DPP6: variants seen among roughly 807,000 people sequenced by gnomAD.
DPP6 encodes the protein dipeptidyl peptidase like 6, also known as A-type potassium channel modulatory protein DPP6.
DPP6 carries 69 observed loss-of-function variants against 122.6 expected under a neutral mutation model. The observed-to-expected ratio is 0.56, with a 90% CI of 0.46 to 0.69. DPP6 has a LOEUF of 0.69. Among genes scored for constraint, DPP6 ranks in the 30% least tolerant of loss-of-function variants. The pLI is 0.00. For synonymous variants in DPP6, 418 were observed against 433.1 expected (o/e 0.97, Z 0.43); for missense variants, 928 against 1,116.9 (o/e 0.83, Z 2.41).
chr7:154,586,043 G>A (rs1201291828), intron 5 of DPP6, among the ~76,000 whole-genome samples: 1 of 152,098 alleles, frequency 6.6e-6, no homozygotes, highest in Non-Finnish European at 1.5e-5. Context: ...AGGGATGATA[G>A]ATGGTCCACC....
chr7:153,848,977 G>A, the DPP6 span, among the ~76,000 whole-genome samples: 11 of 151,796 alleles, frequency 7.2e-5, no homozygotes, highest in Non-Finnish European at 1.3e-4. Context: ...TACATAAAAG[G>A]GTTTTTTAAC....
intron 1 of DPP6, among the ~76,000 whole-genome samples, chr7:154,278,061 A>G (rs1804255059): frequency 6.6e-6 from 1 of 152,190 alleles, no homozygotes; most frequent in African/African-American, 2.4e-5. Flanking sequence ...ACTGCAAAAT[A>G]AAAAGCCAGG....
chr7:153,883,588 C>A (rs766883336), upstream of DPP6, among the ~76,000 whole-genome samples: 6 of 152,164 alleles, frequency 3.9e-5, no homozygotes, highest in Non-Finnish European at 7.3e-5. Flanking sequence ...CCATGTTGGC[C>A]AGGCTGGTCT....
chr7:154,810,363 A>G (rs1414920878), intron 16 of DPP6, among the ~76,000 whole-genome samples: 1 of 152,216 alleles, frequency 6.6e-6, no homozygotes, highest in Non-Finnish European at 1.5e-5. Flanking sequence ...TCCAGTTCCC[A>G]CATGGTGGAT....
At chr7:154,286,450 G>T (rs181037958) in intron 1 of DPP6, among the ~76,000 whole-genome samples, 2 of 152,190 alleles carry the variant, frequency 1.3e-5, no homozygotes, top group Admixed American at 6.5e-5. Flanking sequence ...AGCTTGCTTA[G>T]GTAGGCAAGC....
At chr7:154,248,313 G>A (rs6968732) in intron 1 of DPP6, among the ~76,000 whole-genome samples, 114,634 of 152,070 alleles carry the variant, frequency 0.75, 44,419 homozygotes, top group African/African-American at 0.94. Flanking sequence ...ACATGTCACA[G>A]CAGGGATGAG....
chr7:154,586,920 C>T (rs1832492839), intron 5 of DPP6, among the ~76,000 whole-genome samples: 2 of 152,222 alleles, frequency 1.3e-5, no homozygotes, highest in Admixed American at 1.3e-4. Flanking sequence ...GGAACTGCTC[C>T]TTACTTCTCT....
At chr7:154,056,962 A>G (rs1001246318) in intron 1 of DPP6, among the ~76,000 whole-genome samples, 1 of 152,184 alleles carries the variant, frequency 6.6e-6, no homozygotes, top group African/African-American at 2.4e-5. Context: ...TGTCTATTTG[A>G]TCCCATTACT....
upstream of DPP6, among the ~76,000 whole-genome samples, chr7:154,047,588 G>A (rs923689110): frequency 1.3e-5 from 2 of 150,396 alleles, no homozygotes; most frequent in African/African-American, 2.5e-5. Context: ...CTGTGGAAAC[G>A]ATCATTGTGT....
chr7:153,881,228 G>A, the DPP6 span, among the ~76,000 whole-genome samples: 1 of 152,208 alleles, frequency 6.6e-6, no homozygotes, highest in Non-Finnish European at 1.5e-5. Context: ...AAGTTGGGAT[G>A]CAAAGGCAGC....
chr7:154,435,988 A>G (rs1818828439), intron 1 of DPP6, among the ~76,000 whole-genome samples: 1 of 152,090 alleles, frequency 6.6e-6, no homozygotes, highest in African/African-American at 2.4e-5. Context: ...CATTGGCCTG[A>G]TATTTGACAT....
intron 1 of DPP6, among the ~76,000 whole-genome samples, chr7:154,139,104 G>A (rs1795719206): frequency 6.6e-6 from 1 of 151,620 alleles, no homozygotes; most frequent in Admixed American, 6.6e-5. Context: ...CCAATAGAAG[G>A]TAGATATAGA....
At chr7:154,422,700 G>A (rs1199665339) in intron 1 of DPP6, among the ~76,000 whole-genome samples, 4 of 150,904 alleles carry the variant, frequency 2.7e-5, no homozygotes, top group African/African-American at 9.8e-5. Context: ...ATGGTGAGTG[G>A]GTGGGTAGAT....
chr7:154,110,911 A>G (rs1224705604), intron 1 of DPP6, among the ~76,000 whole-genome samples: 1 of 151,980 alleles, frequency 6.6e-6, no homozygotes, highest in Non-Finnish European at 1.5e-5. Context: ...GCTTAGAATG[A>G]GCAGTTTTAG....
At chr7:154,216,836 T>G (rs1320116904) in intron 1 of DPP6, among the ~76,000 whole-genome samples, 2 of 22,250 alleles carry the variant, frequency 9.0e-5, no homozygotes, top group East Asian at 1.4e-3. Flanking sequence ...TACTGTTGTT[T>G]TTTTTTTTTT....
intron 7 of DPP6, among the ~76,000 whole-genome samples, chr7:154,722,622 G>T (rs576047298): frequency 6.6e-6 from 1 of 152,152 alleles, no homozygotes; most frequent in Admixed American, 6.5e-5. Context: ...AATCAGGGGC[G>T]GCAGCAGGAG....
chr7:154,195,084 C>G (rs6464387), intron 1 of DPP6, among the ~76,000 whole-genome samples: 12,814 of 152,094 alleles, frequency 0.084, 1,269 homozygotes, highest in African/African-American at 0.24. Flanking sequence ...TCACAAGGTT[C>G]TCTTCTATCT....
intron 1 of DPP6, among the ~76,000 whole-genome samples, chr7:154,114,592 A>G (rs1806842895): frequency 6.6e-6 from 1 of 152,192 alleles, no homozygotes; most frequent in Non-Finnish European, 1.5e-5. Flanking sequence ...GCATTGTCTC[A>G]TGCCTTTAAC....
intron 5 of DPP6, among the ~76,000 whole-genome samples, chr7:154,590,723 G>A (rs558779089): frequency 1.9e-3 from 283 of 150,748 alleles, no homozygotes; most frequent in African/African-American, 6.7e-3. Context: ...TAGTAGAGAC[G>A]GGGTTTCTCC....
Sources: allele counts gnomAD v4.1 joint callset (sites outside exome capture counted in the v4.1 genomes callset), GRCh38; gene constraint gnomAD v4.1.1; transcripts MANE v1.5; gene names NCBI Gene and HGNC (gene_info 2026-07-23, HGNC 2026-07-21).